The following IQGAP2 variants were observed in gnomAD, a reference collection of about 807,000 sequenced individuals.
The protein encoded by IQGAP2 is ras GTPase-activating-like protein IQGAP2.
In IQGAP2, 173 loss-of-function variants were observed where a neutral mutation model predicts 201.3. The ratio of observed to expected loss-of-function variants is 0.86; its 90% confidence interval spans 0.76 to 0.98. IQGAP2 has a LOEUF of 0.98. Among genes scored for constraint, IQGAP2 ranks in the 50% least tolerant of loss-of-function variants. The pLI is 0.00. For synonymous variants in IQGAP2, 675 were observed against 673.9 expected, an observed-to-expected ratio of 1.00 and a Z score of -0.03; for missense variants, 1,687 against 1,864.8, an observed-to-expected ratio of 0.90 and a Z score of 1.76.
chr5:76,700,952 T>G, intron 33 of IQGAP2, 124 bp from the exon 34 acceptor site: 1 of 884,448 alleles, frequency 1.1e-6, no homozygotes, highest in Non-Finnish European at 1.7e-6. Context: ...AATAAAAAAG[T>G]GTATATTCAG....
At chr5:76,676,514 G>A (rs1744837593) in intron 27 of IQGAP2, among the ~76,000 whole-genome samples, 1 of 152,180 alleles carries the variant, frequency 6.6e-6, no homozygotes, top group Non-Finnish European at 1.5e-5. Context: ...ATGTATATTC[G>A]ACCTGCACAA....
At chr5:76,466,451 T>C (rs763835185) in intron 2 of IQGAP2, among the ~76,000 whole-genome samples, 1 of 152,194 alleles carries the variant, frequency 6.6e-6, no homozygotes, top group Non-Finnish European at 1.5e-5. Context: ...CAAAACGTAC[T>C]TACAAAGCCC....
At chr5:76,662,568 G>T (rs1365374402) in intron 21 of IQGAP2, among the ~76,000 whole-genome samples, 1 of 152,198 alleles carries the variant, frequency 6.6e-6, no homozygotes, top group African/African-American at 2.4e-5. Flanking sequence ...TAAAATCAAG[G>T]TGATAGATTT....
intron 1 of IQGAP2, among the ~76,000 whole-genome samples, chr5:76,432,128 C>CTTTTTTTTTTTTTTTTTTTTTTTT (rs70982606): frequency 7.3e-5 from 7 of 95,322 alleles, no homozygotes; most frequent in Admixed American, 1.5e-4. Flanking sequence ...TTTCTTTCTT[C>CTTTTTTTTTTTTTTTTTTTTTTTT]TTTTTTTTTT....
At chr5:76,548,288 G>A (rs988452591) in intron 2 of IQGAP2, among the ~76,000 whole-genome samples, 4 of 152,198 alleles carry the variant, frequency 2.6e-5, no homozygotes, top group Admixed American at 2.0e-4. Flanking sequence ...GAACACAGCT[G>A]TACCCCCACA....
At chr5:76,670,497 G>A (rs1744213429) in intron 23 of IQGAP2, among the ~76,000 whole-genome samples, 1 of 152,166 alleles carries the variant, frequency 6.6e-6, no homozygotes, top group Admixed American at 6.5e-5. Context: ...CTGGGCGACA[G>A]AGCCAGACTC....
At chr5:76,693,764 C>T (rs1746485970) in intron 31 of IQGAP2, 1 of 192,502 alleles carries the variant, frequency 5.2e-6, no homozygotes, top group South Asian at 1.4e-4. Context: ...TTCTAGCTGA[C>T]AGGATATTGA....
At chr5:76,689,683 A>G (rs1343104271) in intron 30 of IQGAP2, among the ~76,000 whole-genome samples, 2 of 152,158 alleles carry the variant, frequency 1.3e-5, no homozygotes, top group Admixed American at 1.3e-4. Context: ...CAGCTGAAAG[A>G]TTTCCTTGTT....
chr5:76,629,435 T>C (rs1045121957), intron 14 of IQGAP2, among the ~76,000 whole-genome samples: 2 of 152,144 alleles, frequency 1.3e-5, no homozygotes, highest in Non-Finnish European at 2.9e-5. Context: ...GCAGAGTAAC[T>C]CAAGTCCCTT....
At chr5:76,672,038 T>C (rs944257434) in intron 24 of IQGAP2, 55 bp downstream of exon 24, 45 of 1,308,030 alleles carry the variant, frequency 3.4e-5, no homozygotes, top group Middle Eastern at 3.9e-4. Flanking sequence ...TATTTTTACA[T>C]GTGTATTTAT....
intron 1 of IQGAP2, among the ~76,000 whole-genome samples, chr5:76,457,119 T>G (rs184820940): frequency 1.3e-5 from 2 of 152,214 alleles, no homozygotes; most frequent in East Asian, 3.9e-4. Flanking sequence ...TCCGAGTAGC[T>G]GAGACTATAG....
chr5:76,539,231 G>C (rs1049450627), intron 2 of IQGAP2, among the ~76,000 whole-genome samples: 19 of 152,354 alleles, frequency 1.2e-4, no homozygotes, highest in Non-Finnish European at 2.4e-4. Context: ...CTGTCCAGGG[G>C]TTGTAGGGAA....
At chr5:76,683,968 A>AT (rs1745527186) in intron 30 of IQGAP2, 51 bp downstream of exon 30, 1 of 1,505,718 alleles carries the variant, frequency 6.6e-7, no homozygotes, top group Admixed American at 2.0e-5. Flanking sequence ...ATCTTAAATG[A>AT]TGCAAATTCA....
intron 1 of IQGAP2, among the ~76,000 whole-genome samples, chr5:76,408,954 A>T (rs537382060): frequency 1.3e-5 from 2 of 152,100 alleles, no homozygotes; most frequent in East Asian, 3.9e-4. Flanking sequence ...CACCACACCC[A>T]GCTAATTTTT....
intron 2 of IQGAP2, among the ~76,000 whole-genome samples, chr5:76,509,087 G>C (rs944166129): frequency 8.9e-6 from 1 of 112,914 alleles, no homozygotes; most frequent in Non-Finnish European, 2.2e-5. Context: ...ATGCTTGCGT[G>C]TGTGTGTATA....
chr5:76,488,375 T>TA (rs968698612), intron 2 of IQGAP2, among the ~76,000 whole-genome samples: 1 of 152,196 alleles, frequency 6.6e-6, no homozygotes, highest in African/African-American at 2.4e-5. Context: ...ATTCTTTTTT[T>TA]AAAAAAATTA....
intron 2 of IQGAP2, among the ~76,000 whole-genome samples, chr5:76,543,943 G>C (rs1742939083): frequency 6.6e-6 from 1 of 152,148 alleles, no homozygotes; most frequent in Admixed American, 6.5e-5. Context: ...GAAATTGTTA[G>C]GCAGGTGAAA....
intron 15 of IQGAP2, 56 bp downstream of exon 15, chr5:76,632,082 G>A: frequency 5.9e-6 from 8 of 1,356,866 alleles, no homozygotes; most frequent in Non-Finnish European, 7.0e-6. Context: ...CATTTCTGTG[G>A]TATTATATTT....
At position 76,655,736 on chromosome 5, in the gene IQGAP2, T is replaced by C. The variant is rs568176579; in HGVS notation, c.2320+733T>C. Reference sequence around the variant, plus strand: ...TGCTGGGATTACAGATTAAATTTTTTAATAAAAATTTGTAGAAAGTTTGAA... The same window carrying C: ...TGCTGGGATTACAGATTAAATTTTTCAATAAAAATTTGTAGAAAGTTTGAA... On this transcript the variant is annotated intron_variant, in intron 20 of 35. Transcript: ENST00000274364. Among the ~76,000 whole-genome samples the C allele has an allele frequency of 2.0e-5, 3 of 152,304 alleles. No homozygotes were observed. The South Asian group carries it at 6.2e-4, about 32-fold the overall frequency.
Sources: allele counts gnomAD v4.1 joint callset (sites outside exome capture counted in the v4.1 genomes callset), GRCh38; gene constraint gnomAD v4.1.1; transcripts MANE v1.5; gene names NCBI Gene and HGNC (gene_info 2026-07-23, HGNC 2026-07-21).